Variants in ANOS1 observed in about 807,000 individuals in gnomAD.
ANOS1 encodes the protein anosmin-1.
ANOS1 carries 6 observed loss-of-function variants against 59.0 expected under a neutral mutation model. The ratio of observed to expected loss-of-function variants is 0.10; its 90% CI spans 0.06 to 0.20. The LOEUF (loss-of-function observed/expected upper bound fraction) is 0.20, where lower values mean the gene tolerates loss of function less well. Among genes scored for constraint, ANOS1 ranks in the 10% least tolerant of loss-of-function variants. The pLI is 1.00. For synonymous variants in ANOS1, 217 were observed against 223.4 expected (o/e 0.97, Z 0.25); for missense variants, 433 against 542.3 (o/e 0.80, Z 2.00).
intron 2 of ANOS1, among the ~76,000 whole-genome samples, chrX:8,643,870 A>G (rs1306727119): frequency 2.7e-5 from 3 of 111,689 alleles, no homozygotes; most frequent in Admixed American, 9.5e-5. Flanking sequence ...CCATCAGAAA[A>G]TGTTTAAATT....
intron 1 of ANOS1, among the ~76,000 whole-genome samples, chrX:8,718,066 C>T (rs1454216072): frequency 9.2e-6 from 1 of 108,430 alleles, no homozygotes; most frequent in African/African-American, 3.4e-5. Flanking sequence ...TGTCTCAAAA[C>T]GTAAATAAAT....
At chrX:8,669,339 A>G (rs1016413026) in intron 2 of ANOS1, among the ~76,000 whole-genome samples, 5 of 111,896 alleles carry the variant, frequency 4.5e-5, no homozygotes, top group Non-Finnish European at 9.4e-5. Context: ...ACACCACAGC[A>G]TATACAACAG....
intron 2 of ANOS1, among the ~76,000 whole-genome samples, chrX:8,663,994 A>G (rs184727243): frequency 4.1e-4 from 45 of 110,941 alleles, no homozygotes; most frequent in African/African-American, 1.3e-3. Flanking sequence ...GTGAGAGCTG[A>G]ACAATGAGAA....
intron 3 of ANOS1, among the ~76,000 whole-genome samples, chrX:8,619,540 G>C (rs1384686400): frequency 2.7e-5 from 3 of 111,430 alleles, no homozygotes; most frequent in Admixed American, 1.9e-4. Flanking sequence ...GGAGGCAGAG[G>C]TTGCAGTAAG....
chrX:8,676,681 C>A (rs372947999), intron 2 of ANOS1, among the ~76,000 whole-genome samples: 4 of 111,945 alleles, frequency 3.6e-5, no homozygotes, highest in East Asian at 5.6e-4. Flanking sequence ...AGGGTTCATC[C>A]TACACATTGT....
At chrX:8,727,194 C>T (rs1267203899) in intron 1 of ANOS1, among the ~76,000 whole-genome samples, 4 of 111,616 alleles carry the variant, frequency 3.6e-5, no homozygotes, top group Non-Finnish European at 3.8e-5. Flanking sequence ...GGAGAGTGGA[C>T]ATGTCAGCTC....
Position 8,570,544 on chromosome X carries a change from C to A in ANOS1, c.1017G>T (p.Lys339Asn), listed in dbSNP as rs752403384. ...GCTTCTTCTTTGTTGGGACAAGAGA[C>A]TTACTGCTGACCATCCAGCTCCAAA... The part of the protein sequence containing the change: ...KVFWSWMVSS[K>N]SLVPTKKKRR... The change falls in exon 7 of 14, where the codon AAG becomes AAT. Residue 339 changes from lysine to asparagine, a missense_variant. Coordinates refer to ENST00000262648, the MANE Select transcript of ANOS1 (RefSeq NM_000216.4). 8.3e-7 allele frequency: 1 copy of A among 1,211,618 alleles called. No individual in the cohort carries two copies. Among genetic ancestry groups the A allele is most frequent in the Non-Finnish European group, 1.1e-6 (1 of 895,258 alleles).
chrX:8,722,283 A>G (rs764372693), intron 1 of ANOS1, among the ~76,000 whole-genome samples: 15 of 111,160 alleles, frequency 1.3e-4, no homozygotes, highest in Non-Finnish European at 2.3e-4. Flanking sequence ...GTGACTTGTG[A>G]GATTTTGGTG....
intron 2 of ANOS1, among the ~76,000 whole-genome samples, chrX:8,648,458 C>CA (rs765958124): frequency 0.18 from 8,647 of 48,542 alleles, 643 homozygotes; most frequent in African/African-American, 0.26. Context: ...AAAATTCCGT[C>CA]AAAAAAAAAA....
chrX:8,569,573 C>T (rs902636248), intron 7 of ANOS1, among the ~76,000 whole-genome samples: 8 of 111,693 alleles, frequency 7.2e-5, no homozygotes, highest in African/African-American at 2.0e-4. Flanking sequence ...ACCCGGGAGG[C>T]GGAGCTTGCA....
At chrX:8,553,483 C>G (rs1929890185) in intron 9 of ANOS1, among the ~76,000 whole-genome samples, 1 of 110,491 alleles carries the variant, frequency 9.1e-6, no homozygotes, top group Non-Finnish European at 1.9e-5. Context: ...AAAACACACT[C>G]ACACACACAC....
chrX:8,682,354 CCACA>C (rs757532758), intron 2 of ANOS1, among the ~76,000 whole-genome samples: 1 of 101,610 alleles, frequency 9.8e-6, no homozygotes, highest in African/African-American at 3.7e-5. Flanking sequence ...GAGAATTTCA[CCACA>C]CACACACACA....
intron 6 of ANOS1, among the ~76,000 whole-genome samples, chrX:8,577,811 C>T (rs1443966525): frequency 8.9e-6 from 1 of 111,853 alleles, no homozygotes; most frequent in Non-Finnish European, 1.9e-5. Context: ...AATAAAATCA[C>T]TTATCACCCT....
intron 2 of ANOS1, among the ~76,000 whole-genome samples, chrX:8,696,487 G>A (rs1173764768): frequency 8.9e-6 from 1 of 112,164 alleles, no homozygotes; most frequent in African/African-American, 3.2e-5. Flanking sequence ...TCTCACCAGT[G>A]TTACAGAGTA....
intron 3 of ANOS1, among the ~76,000 whole-genome samples, chrX:8,617,034 A>T (rs1931189453): frequency 8.9e-6 from 1 of 112,698 alleles, no homozygotes. Context: ...CAACAAAGTT[A>T]ATCTTTATTT....
Position 8,554,013 on chromosome X carries a change from G to A in ANOS1, c.1293C>T (p.Val431=), listed in dbSNP as rs757033333. 175 of 1,205,903 alleles carry A rather than the reference G, an allele frequency of 1.5e-4. No individual in the cohort carries two copies. In the East Asian group the frequency reaches 2.9e-3, roughly 20 times the overall value. The part of the protein sequence containing the change: ...QRRRPTRPLE[V]GAPFYQDGQL... The stretch of plus-strand genomic sequence containing the variant: ...GGCCATCCTGATAGAAGGGAGCTCC[G>A]ACTTCCAGCGGGCGAGTGGGTCGTC... The change falls in exon 9 of 14, where the codon GTC becomes GTT. Residue 431 remains valine, a synonymous_variant. Coordinates refer to ENST00000262648, the MANE Select transcript of ANOS1 (RefSeq NM_000216.4).
chrX:8,678,239 T>C (rs1228601931), intron 2 of ANOS1, among the ~76,000 whole-genome samples: 2 of 112,583 alleles, frequency 1.8e-5, no homozygotes, highest in African/African-American at 6.5e-5. Flanking sequence ...CCTATCATAA[T>C]GGGACAACTG....
At chrX:8,674,740 G>A (rs1260702473) in intron 2 of ANOS1, among the ~76,000 whole-genome samples, 2 of 112,369 alleles carry the variant, frequency 1.8e-5, no homozygotes, top group Admixed American at 9.4e-5. Flanking sequence ...GGAAACAGAA[G>A]GTTAAAATGA....
At chrX:8,544,570 T>C (rs749223586) in intron 9 of ANOS1, among the ~76,000 whole-genome samples, 2 of 105,947 alleles carry the variant, frequency 1.9e-5, no homozygotes, top group Admixed American at 2.0e-4. Context: ...GAATGTTTCC[T>C]CTATGTCTGA....
Sources: allele counts gnomAD v4.1 joint callset (sites outside exome capture counted in the v4.1 genomes callset), GRCh38; gene constraint gnomAD v4.1.1; transcripts MANE v1.5; gene names NCBI Gene and HGNC (gene_info 2026-07-23, HGNC 2026-07-21).